REV3L: variants seen among roughly 807,000 people sequenced by gnomAD.
REV3L encodes REV3 like, DNA directed polymerase zeta catalytic subunit.
In REV3L, 69 loss-of-function variants were observed where a neutral mutation model predicts 299.4. The ratio of observed to expected loss-of-function variants is 0.23; its 90% confidence interval spans 0.19 to 0.28. REV3L has a LOEUF of 0.28. Ranked by LOEUF, REV3L falls within the 10% of genes least tolerant of loss-of-function variation. The probability of loss-of-function intolerance (pLI) is 1.00; values close to 1 mark genes in which losing one functional copy is unlikely to be tolerated. For synonymous variants in REV3L, 1,238 were observed against 1,271.4 expected (o/e 0.97, Z 0.56); for missense variants, 3,128 against 3,693.8 (o/e 0.85, Z 3.97).
chr6:111,367,335 C>A lies in REV3L; in HGVS notation c.6453G>T (p.Glu2151Asp), dbSNP rs753262795. ...AGTTCTCAAAAGCCAATGAAGGCAG[C>A]TCCTCTACTGGTGATGAGGGTCTAT... ...GDDRPSSPVE[E>D]LPSLAFENFL... Residue 2151 changes from glutamate (E) to aspartate (D), a missense_variant, in exon 14 of 32, where the codon GAG becomes GAT. Around this residue, in one of 9 missense-constraint regions of REV3L, gnomAD observed 2,409 missense variants for 2,611.8 expected, o/e 0.92. Transcript: ENST00000368802. 1.2e-6 allele frequency: 2 copies of A among 1,607,368 alleles called. No homozygotes were observed. The highest frequency in any genetic ancestry group is 8.5e-7 in the Non-Finnish European group (1 of 1,177,566).
intron 1 of REV3L, among the ~76,000 whole-genome samples, chr6:111,422,649 C>CAT (rs58760555): frequency 0.26 from 5,939 of 22,478 alleles, 1,624 homozygotes; most frequent in Non-Finnish European, 0.39. Flanking sequence ...TATATATATA[C>CAT]ATATATATAT....
intron 4 of REV3L, among the ~76,000 whole-genome samples, chr6:111,400,766 C>A (rs1783005936): frequency 6.6e-6 from 1 of 152,118 alleles, no homozygotes; most frequent in Non-Finnish European, 1.5e-5. Context: ...GGTGTCATAT[C>A]TAAAACTTCA....
At position 111,375,812 on chromosome 6, in the gene REV3L, C is replaced by A; in HGVS notation, c.2543G>T (p.Ser848Ile). The change falls in exon 13 of 32, where the codon AGT becomes ATT. Residue 848 changes from serine (S) to isoleucine (I), a missense_variant. Around this residue, in one of 9 missense-constraint regions of REV3L, gnomAD observed 2,409 missense variants for 2,611.8 expected, o/e 0.92. Transcript: ENST00000368802. Reference protein sequence around the residue: ...AGHQETSTKSSETGSTKDNFI... With the variant: ...AGHQETSTKSIETGSTKDNFI... The stretch of plus-strand genomic sequence containing the variant: ...ATTATCTTTTGTGGATCCAGTCTCA[C>A]TACTTTTGGTAGAAGTCTCCTGATG... The A allele has an allele frequency of 1.9e-6, 3 of 1,613,518 alleles. No homozygotes were observed. In the East Asian group the frequency reaches 6.7e-5, roughly 36 times the overall value.
intron 1 of REV3L, among the ~76,000 whole-genome samples, chr6:111,469,734 T>C (rs1791956104): frequency 1.3e-5 from 2 of 152,212 alleles, no homozygotes; most frequent in African/African-American, 2.4e-5. Context: ...ATAGCTATCC[T>C]AGACCAACCA....
At chr6:111,388,426 T>C (rs1039150096) in intron 7 of REV3L, among the ~76,000 whole-genome samples, 1 of 152,188 alleles carries the variant, frequency 6.6e-6, no homozygotes, top group Non-Finnish European at 1.5e-5. Flanking sequence ...TAAAAGGCAC[T>C]CAAAGTTTAT....
chr6:111,435,943 C>T (rs1270510892), intron 1 of REV3L, among the ~76,000 whole-genome samples: 2 of 152,120 alleles, frequency 1.3e-5, no homozygotes, highest in Non-Finnish European at 2.9e-5. Context: ...ATATAAGGAG[C>T]TCAAACAACT....
intron 17 of REV3L, among the ~76,000 whole-genome samples, chr6:111,357,813 A>G (rs1778250681): frequency 6.6e-6 from 1 of 152,198 alleles, no homozygotes; most frequent in Admixed American, 6.5e-5. Flanking sequence ...TGGTATGATG[A>G]AAATGCTTAA....
chr6:111,360,470 C>CTT (rs71021836), intron 16 of REV3L, among the ~76,000 whole-genome samples: 2,084 of 129,092 alleles, frequency 0.016, 53 homozygotes, highest in Admixed American at 0.045. Flanking sequence ...GTTAAATAAT[C>CTT]TTTTTTTTTT....
At chr6:111,395,218 G>T (rs1295568904) in intron 4 of REV3L, among the ~76,000 whole-genome samples, 1 of 152,034 alleles carries the variant, frequency 6.6e-6, no homozygotes, top group Non-Finnish European at 1.5e-5. Context: ...ATGAAGTTTA[G>T]AATTTTTTTT....
chr6:111,333,321 T>C lies in REV3L; in HGVS notation c.7727A>G (p.Tyr2576Cys), dbSNP rs1395271044. The C allele has an allele frequency of 6.2e-7, 1 of 1,613,976 alleles. No homozygotes were observed. The highest frequency in any genetic ancestry group is 8.5e-7 in the Non-Finnish European group (1 of 1,180,006). Reference sequence around the variant, plus strand: ...CTGAACACTAGGTGTCACAGGAATATAGTTCATTGGTTTAGCAATACGCAA... The same window carrying C: ...CTGAACACTAGGTGTCACAGGAATACAGTTCATTGGTTTAGCAATACGCAA... ...MMLRIAKPMN[Y>C]IPVTPSVQQR... Residue 2576 changes from tyrosine (Y) to cysteine (C), a missense_variant, in exon 23 of 32, where the codon TAT (tyrosine) becomes TGT (cysteine). By Grantham distance (194) the Tyr-to-Cys change is radical (BLOSUM62 -2). Coordinates refer to ENST00000368802, the MANE Select transcript of REV3L (RefSeq NM_001372078.1).
intron 1 of REV3L, among the ~76,000 whole-genome samples, chr6:111,458,225 T>C (rs947635540): frequency 3.3e-5 from 5 of 152,136 alleles, no homozygotes; most frequent in African/African-American, 9.7e-5. Flanking sequence ...GAAAAAGCTT[T>C]TGATAAAATC....
At chr6:111,467,662 A>G (rs1441888878) in intron 1 of REV3L, among the ~76,000 whole-genome samples, 1 of 152,228 alleles carries the variant, frequency 6.6e-6, no homozygotes, top group Non-Finnish European at 1.5e-5. Context: ...ACTATTACAT[A>G]GCATTTACAA....
At chr6:111,381,576 C>A in intron 9 of REV3L, 132 bp from the exon 10 acceptor site, 1 of 691,086 alleles carries the variant, frequency 1.4e-6, no homozygotes, top group South Asian at 2.1e-5. Context: ...ATGATGCATG[C>A]CAAATAAAAA....
At chr6:111,428,169 AAAC>A (rs1225856346) in intron 1 of REV3L, among the ~76,000 whole-genome samples, 5 of 152,180 alleles carry the variant, frequency 3.3e-5, no homozygotes, top group Non-Finnish European at 7.4e-5. Context: ...TATCCACAAC[AAAC>A]AACAGAAAAC....
chr6:111,367,235 T>C lies in REV3L; in HGVS notation c.6553A>G (p.Ile2185Val), dbSNP rs138142245. The C allele has an allele frequency of 1.2e-5, 20 of 1,614,004 alleles. No homozygotes were observed. The highest frequency in any genetic ancestry group is 1.1e-4 in the African/African-American group (8 of 74,938). Reference protein sequence around the residue: ...EPQEPLVISPINTRARTGKCE... With the variant: ...EPQEPLVISPVNTRARTGKCE... ...TTCCCAGTTCTTGCCCTAGTATTAA[T>C]TGGAGATATCACTAGAGGCTCTTGA... The change falls in exon 14 of 32, where the codon ATT (isoleucine) becomes GTT (valine). Residue 2185 changes from isoleucine to valine, a missense_variant. By Grantham distance (29) the Ile-to-Val change is conservative. This residue lies in a region of REV3L where 2,409 missense variants were observed against 2,611.8 expected (regional missense o/e 0.92). Transcript: ENST00000368802.
intron 1 of REV3L, 71 bp from the exon 2 acceptor site, chr6:111,416,543 C>T: frequency 8.0e-7 from 1 of 1,250,660 alleles, no homozygotes; most frequent in South Asian, 1.5e-5. Flanking sequence ...GAATGAAACT[C>T]ATTTAAATGT....
intron 1 of REV3L, among the ~76,000 whole-genome samples, chr6:111,460,019 G>A (rs1401296033): frequency 6.6e-6 from 1 of 151,976 alleles, no homozygotes; most frequent in Non-Finnish European, 1.5e-5. Context: ...AATCAACACA[G>A]GTGTCCATCA....
chr6:111,473,242 A>G (rs201245725), intron 1 of REV3L, among the ~76,000 whole-genome samples: 1 of 137,414 alleles, frequency 7.3e-6, no homozygotes, highest in Non-Finnish European at 1.6e-5. Context: ...TTTTTTTTTT[A>G]AAGAGACGGG....
At chr6:111,479,436 A>C (rs1033692356) in intron 1 of REV3L, among the ~76,000 whole-genome samples, 4 of 152,040 alleles carry the variant, frequency 2.6e-5, no homozygotes, top group African/African-American at 9.7e-5. Context: ...TTCCCTTAGG[A>C]ATCAATATCC....
Sources: gnomAD v4.1 joint callset for allele counts (sites outside exome capture counted in the v4.1 genomes callset) on GRCh38, gnomAD v4.1.1 for gene constraint, gnomAD v4.1.1 regional missense constraint, MANE v1.5 for transcripts, NCBI Gene and HGNC (gene_info 2026-07-23, HGNC 2026-07-21) for gene names.